The following BRPF3 variants were observed in gnomAD, a reference collection of about 807,000 sequenced individuals.
BRPF3 encodes the protein bromodomain and PHD finger containing 3.
BRPF3 carries 18 observed loss-of-function variants against 102.0 expected under a neutral mutation model. The ratio of observed to expected loss-of-function variants is 0.18; its 90% CI spans 0.12 to 0.26. BRPF3 has a LOEUF of 0.26. BRPF3 is among the 10% of genes least tolerant of loss of function. The probability of loss-of-function intolerance (pLI) is 1.00; values close to 1 mark genes in which losing one functional copy is unlikely to be tolerated. For synonymous variants in BRPF3, 570 were observed against 614.2 expected, an observed-to-expected ratio of 0.93 and a Z score of 1.06; for missense variants, 1,147 against 1,567.8, an observed-to-expected ratio of 0.73 and a Z score of 4.53.
intron 11 of BRPF3, among the ~76,000 whole-genome samples, chr6:36,227,005 T>G (rs1039834402): frequency 6.6e-6 from 1 of 152,236 alleles, no homozygotes; most frequent in Non-Finnish European, 1.5e-5. Context: ...GCAAAAAAAC[T>G]AGTCTAAAAC....
intron 4 of BRPF3, among the ~76,000 whole-genome samples, chr6:36,208,781 A>G (rs567875554): frequency 6.6e-6 from 1 of 152,364 alleles, no homozygotes; most frequent in South Asian, 2.1e-4. Flanking sequence ...GTTTTGATAT[A>G]GCCAAAAGGT....
Position 36,200,043 on chromosome 6 carries a change from T to A in BRPF3, c.-26-254T>A, listed in dbSNP as rs1386214178. Among the ~76,000 whole-genome samples the A allele has an allele frequency of 6.6e-6, 1 of 152,180 alleles. No individual in the cohort carries two copies. Among genetic ancestry groups the A allele is most frequent in the Non-Finnish European group, 1.5e-5 (1 of 68,020 alleles). Reference sequence around the variant, plus strand: ...GGGAAAAATAAAGCAGAATGAAAGGTAGATTGCTGGTGGAGGAAAAGGATT... The same window carrying A: ...GGGAAAAATAAAGCAGAATGAAAGGAAGATTGCTGGTGGAGGAAAAGGATT... On this transcript the variant is annotated intron_variant, in intron 1 of 12. Transcript: ENST00000357641. This position sits in a 1 kb window ranked among gnomAD's most constrained non-coding sequence, Gnocchi z 5.3.
chr6:36,198,482 A>T (rs1012034247), intron 1 of BRPF3, among the ~76,000 whole-genome samples: 15 of 152,214 alleles, frequency 9.9e-5, no homozygotes, highest in Non-Finnish European at 1.9e-4. Context: ...GGAATTGAGC[A>T]TCGGAAGACC....
chr6:36,223,612 AT>A lies in BRPF3; in HGVS notation c.3181+1356del, dbSNP rs1011770458. The stretch of plus-strand genomic sequence containing the variant: ...GCACTTTTGTATTCTACTTTTTTCA[AT>A]TTTTTTTTGTACTTTCTTCATGTTG... On this transcript the variant is annotated intron_variant, in intron 10 of 12. Coordinates refer to ENST00000357641, the MANE Select transcript of BRPF3 (RefSeq NM_015695.3). Among the ~76,000 whole-genome samples the A allele has an allele frequency of 1.7e-3, 262 of 151,322 alleles. 1 individual carries two copies. Among genetic ancestry groups the A allele is most frequent in the African/African-American group, 5.2e-3 (213 of 41,242 alleles).
chr6:36,201,537 T>C lies in BRPF3; in HGVS notation c.1215T>C (p.Ser405=), dbSNP rs1219784071. ...RRKGDSPRSI[S]ETGDEEGLKE... is the part of the protein sequence containing the mutation. The stretch of plus-strand genomic sequence containing the variant: ...AGGGCGACTCCCCTAGAAGCATCAG[T>C]GAGACTGGCGATGAGGAAGGGCTGA... The change falls in exon 2 of 13, where the codon AGT becomes AGC. Residue 405 remains serine, a synonymous_variant. Coordinates refer to ENST00000357641, the MANE Select transcript of BRPF3 (RefSeq NM_015695.3). The surrounding 1 kb of genome is among the most constrained non-coding windows in gnomAD (Gnocchi z 5.1). 3 of 1,613,148 alleles carry C rather than the reference T, an allele frequency of 1.9e-6. No individual in the cohort carries two copies. The Admixed American group carries it at 5.0e-5, about 27-fold the overall frequency.
In BRPF3 at chr6:36,210,219, C is replaced by T; in HGVS notation, c.1870C>T (p.Pro624Ser). 4 of 1,614,114 alleles carry T rather than the reference C, an allele frequency of 2.5e-6. No homozygotes were observed. Among genetic ancestry groups the T allele is most frequent in the African/African-American group, 1.3e-5 (1 of 75,000 alleles). ...TGTACAGGTTTTATATGTTTAGGTTCCAGATTACCTGGAATTCATATCCAA... is the reference window on the plus strand; with the variant it reads ...TGTACAGGTTTTATATGTTTAGGTTTCAGATTACCTGGAATTCATATCCAA... ...FAEPVNLSEVPDYLEFISKPM... is the reference protein window; with the variant it reads ...FAEPVNLSEVSDYLEFISKPM... Residue 624 changes from proline to serine, a missense_variant, in exon 6 of 13, where the codon CCA becomes TCA. By Grantham distance (74) the Pro-to-Ser change is moderately conservative. Coordinates refer to ENST00000357641, the MANE Select transcript of BRPF3 (RefSeq NM_015695.3). The surrounding 1 kb of genome is among the most constrained non-coding windows in gnomAD (Gnocchi z 4.7).
rs753806027 is a variant in BRPF3 at position 36,201,228 on chromosome 6, T to G, written c.906T>G (p.Ala302=). The change falls in exon 2 of 13, where the codon GCT becomes GCG. Residue 302 remains alanine (A), a synonymous_variant. Coordinates refer to ENST00000357641, the MANE Select transcript of BRPF3 (RefSeq NM_015695.3). The surrounding 1 kb of genome is among the most constrained non-coding windows in gnomAD (Gnocchi z 5.1). ...CAIWIPEVCF[A]NTVFLEPIEG... Reference sequence around the variant, plus strand: ...TCTGGATCCCTGAAGTCTGCTTTGCTAACACCGTGTTCTTGGAACCTATTG... The same window carrying G: ...TCTGGATCCCTGAAGTCTGCTTTGCGAACACCGTGTTCTTGGAACCTATTG... 8.7e-6 allele frequency: 14 copies of G among 1,614,174 alleles called. No homozygotes were observed. The Middle Eastern group carries it at 9.9e-4, about 114-fold the overall frequency.
Position 36,228,934 on chromosome 6 carries a change from C to T in BRPF3, c.3312C>T (p.Leu1104=), listed in dbSNP as rs1768837897. Residue 1104 remains leucine (L), a synonymous_variant, in exon 12 of 13, where the codon CTC becomes CTT. Transcript: ENST00000357641. The stretch of plus-strand genomic sequence containing the variant: ...ATCCCAAGATGCCCCGGGAGGGCCT[C>T]CTGCACAATGGCGTTCCCATCCCTG... ...IIDPKMPREG[L]LHNGVPIPVP... 1.9e-6 allele frequency: 3 copies of T among 1,614,196 alleles called. No individual in the cohort carries two copies. The highest frequency in any genetic ancestry group is 2.5e-6 in the Non-Finnish European group (3 of 1,180,026).
rs1045871864 is a variant in BRPF3, at chr6:36,232,454, G to GTC, written c.*1853_*1854dup. ...TTCCCCCCAACACTTTCTCTTCTTA[G>GTC]TCTCTCTCTTTATTTTTCAATCTCT... On this transcript the variant is annotated 3_prime_UTR_variant, in exon 13 of 13. Transcript: ENST00000357641. 2 of 152,538 alleles carry GTC rather than the reference G, an allele frequency of 1.3e-5. No homozygotes were observed. 9.4% of individuals were successfully genotyped at this position (152,538 alleles called of 1,614,324 possible).
intron 5 of BRPF3, 36 bp downstream of exon 5, chr6:36,209,951 C>T: frequency 6.2e-7 from 1 of 1,611,214 alleles, no homozygotes; most frequent in Non-Finnish European, 8.5e-7. Flanking sequence ...GTAAATTCTT[C>T]TTGAACTGGA....
chr6:36,211,682 G>A, intron 7 of BRPF3, 122 bp downstream of exon 7: 22 of 1,191,946 alleles, frequency 1.8e-5, no homozygotes, highest in Non-Finnish European at 2.5e-5. Context: ...GCAAGCAAAA[G>A]TGCTTGGAAG....
rs748627637 is a variant in BRPF3 at position 36,209,778 on chromosome 6, T to TC, written c.1738-5dup. ...GTTCTGATCTGATCTCACCCCACCTTCCCCACAGGTCAAAGTCCAGCAGGC... is the reference window on the plus strand; with the variant it reads ...GTTCTGATCTGATCTCACCCCACCTTCCCCCACAGGTCAAAGTCCAGCAGGC... On this transcript the variant is annotated splice_polypyrimidine_tract_variant and intron_variant, in intron 4 of 12. Coordinates refer to ENST00000357641, the MANE Select transcript of BRPF3 (RefSeq NM_015695.3). 83 of 1,613,414 alleles carry TC rather than the reference T, an allele frequency of 5.1e-5. 3 individuals are homozygous for TC. In the South Asian group the frequency reaches 9.1e-4, roughly 18 times the overall value.
At chr6:36,217,123 A>G (rs751519538) in intron 8 of BRPF3, among the ~76,000 whole-genome samples, 1 of 152,240 alleles carries the variant, frequency 6.6e-6, no homozygotes, top group Admixed American at 6.5e-5. Context: ...AACAGCCTTC[A>G]TTCGCCTCTG....
rs921890456 is a variant in BRPF3, at chr6:36,209,968, T to A, written c.1866+53T>A. The A allele has an allele frequency of 3.1e-6, 5 of 1,605,182 alleles. No homozygotes were observed. In the South Asian group the frequency reaches 4.5e-5, roughly 14 times the overall value. ...AAATTCTTCTTGAACTGGAACAGGGTCTGAGTAGGCTAGGAAGGAGTTGGG... is the reference window on the plus strand; with the variant it reads ...AAATTCTTCTTGAACTGGAACAGGGACTGAGTAGGCTAGGAAGGAGTTGGG... On this transcript the variant is annotated intron_variant, in intron 5 of 12. Transcript: ENST00000357641.
At position 36,210,231 on chromosome 6, in the gene BRPF3, G is replaced by A. The variant is rs1768052101; in HGVS notation, c.1882G>A (p.Glu628Lys). The A allele has an allele frequency of 1.9e-6, 3 of 1,614,194 alleles. No individual in the cohort carries two copies. The East Asian group carries it at 6.7e-5, about 36-fold the overall frequency. ...VNLSEVPDYLEFISKPMDFST... is the reference protein window; with the variant it reads ...VNLSEVPDYLKFISKPMDFST... ...ATATGTTTAGGTTCCAGATTACCTGGAATTCATATCCAAGCCAATGGATTT... is the reference window on the plus strand; with the variant it reads ...ATATGTTTAGGTTCCAGATTACCTGAAATTCATATCCAAGCCAATGGATTT... The change falls in exon 6 of 13, where the codon GAA becomes AAA. Residue 628 changes from glutamate (E) to lysine (K), a missense_variant. Glu to Lys is a moderately conservative substitution (Grantham distance 56, BLOSUM62 1). This residue lies in a region of BRPF3 where 109 missense variants were observed against 175.1 expected (regional missense o/e 0.62). Transcript: ENST00000357641. The surrounding 1 kb of genome is among the most constrained non-coding windows in gnomAD (Gnocchi z 4.7).
At chr6:36,218,337 A>C (rs1022505134) in intron 9 of BRPF3, among the ~76,000 whole-genome samples, 1 of 152,082 alleles carries the variant, frequency 6.6e-6, no homozygotes, top group Non-Finnish European at 1.5e-5. Context: ...CTGCCCCTAC[A>C]CACATTTAGA....
At position 36,230,201 on chromosome 6, in the gene BRPF3, CAA is replaced by C. The variant is rs1768890190; in HGVS notation, c.3435-222_3435-221del. ...AAGGGCCCAGAGAAGGACCTAGCTG[CAA>C]AATTGATTCCATGCCATTCCCCCAC... is the stretch of plus-strand genomic sequence containing the variant. On this transcript the variant is annotated intron_variant, in intron 12 of 12. Coordinates refer to ENST00000357641, the MANE Select transcript of BRPF3 (RefSeq NM_015695.3). The surrounding 1 kb of genome is among the most constrained non-coding windows in gnomAD (Gnocchi z 5.4). 2.6e-5 allele frequency among the ~76,000 whole-genome samples: 4 copies of C among 152,060 alleles called. No homozygotes were observed. Among genetic ancestry groups the C allele is most frequent in the Admixed American group, 2.6e-4 (4 of 15,270 alleles).
At chr6:36,211,890 G>A (rs76647662) in intron 7 of BRPF3, among the ~76,000 whole-genome samples, 5,224 of 152,230 alleles carry the variant, frequency 0.034, 114 homozygotes, top group Middle Eastern at 0.082. Flanking sequence ...AGCCAATTAA[G>A]TATGTCAGTA....
rs1015816246 is a variant in BRPF3 at position 36,210,916 on chromosome 6, C to G, written c.2180-342C>G. On this transcript the variant is annotated intron_variant, in intron 6 of 12. Coordinates refer to ENST00000357641, the MANE Select transcript of BRPF3 (RefSeq NM_015695.3). The surrounding 1 kb of genome is among the most constrained non-coding windows in gnomAD (Gnocchi z 4.7). Reference sequence around the variant, plus strand: ...TGGAGGACCAGAAAAATGGAATTGCCTCTGAGCCCCACACGCTGCCTGTCC... The same window carrying G: ...TGGAGGACCAGAAAAATGGAATTGCGTCTGAGCCCCACACGCTGCCTGTCC... 1.3e-5 allele frequency among the ~76,000 whole-genome samples: 2 copies of G among 152,146 alleles called. No homozygotes were observed. Among genetic ancestry groups the G allele is most frequent in the Non-Finnish European group, 2.9e-5 (2 of 68,026 alleles).
Sources: allele counts gnomAD v4.1 joint callset (sites outside exome capture counted in the v4.1 genomes callset), GRCh38; gene constraint gnomAD v4.1.1; regional missense constraint gnomAD v4.1.1; non-coding constraint Gnocchi (gnomAD v3.1); transcripts MANE v1.5; gene names NCBI Gene and HGNC (gene_info 2026-07-23, HGNC 2026-07-21).